Variants in LAMP3 observed in about 807,000 individuals in gnomAD.
The protein encoded by LAMP3 is lysosome associated membrane protein 3.
Under a neutral mutation model 34.8 loss-of-function variants are expected in LAMP3, and 26 were observed. The ratio of observed to expected loss-of-function variants is 0.75; its 90% CI spans 0.55 to 1.04. LAMP3 has a LOEUF of 1.04. Among genes scored for constraint, LAMP3 ranks in the 50% least tolerant of loss-of-function variants. The pLI is 0.00. For synonymous variants in LAMP3, 180 were observed against 201.9 expected (o/e 0.89, Z 0.92); for missense variants, 495 against 524.0 (o/e 0.94, Z 0.54).
Position 183,153,745 on chromosome 3 carries a change from G to T in LAMP3, c.696C>A (p.Asn232Lys). The T allele has an allele frequency of 6.4e-7, 1 of 1,550,994 alleles. No homozygotes were observed. Among genetic ancestry groups the T allele is most frequent in the Non-Finnish European group, 8.7e-7 (1 of 1,150,800 alleles). ...SVKTGIYQVLNGSRLCIKAEM... is the reference protein window; with the variant it reads ...SVKTGIYQVLKGSRLCIKAEM... Reference sequence around the variant, plus strand: ...CTGCTTTTATACAGAGTCTGCTTCCGTTTAGAACCTGATAAATTCCAGTCT... The same window carrying T: ...CTGCTTTTATACAGAGTCTGCTTCCTTTTAGAACCTGATAAATTCCAGTCT... The change falls in exon 2 of 6, where the codon AAC (asparagine) becomes AAA (lysine). Residue 232 changes from asparagine to lysine, a missense_variant. Asn to Lys is a moderately conservative substitution (Grantham distance 94). Transcript: ENST00000265598.
In LAMP3 at chr3:183,154,377, C is replaced by T. The variant is rs1276493927; in HGVS notation, c.64G>A (p.Gly22Ser). 1.3e-6 allele frequency: 2 copies of T among 1,595,782 alleles called. No individual in the cohort carries two copies. Among genetic ancestry groups the T allele is most frequent in the Non-Finnish European group, 8.5e-7 (1 of 1,171,846 alleles). ...AATGCTTTTGCTCTCATTTGACTGC[C>T]ATCGTGCAAAATTACTGAAAATTAG... ...FASLAVILHD[G>S]SQMRAKAFPE... Residue 22 changes from glycine to serine, a missense_variant, in exon 2 of 6, where the codon GGC becomes AGC. Coordinates refer to ENST00000265598, the MANE Select transcript of LAMP3 (RefSeq NM_014398.4).
chr3:183,161,561 C>T (rs7619012), intron 1 of LAMP3, among the ~76,000 whole-genome samples: 132,565 of 151,846 alleles, frequency 0.87, 57,906 homozygotes, highest in Middle Eastern at 0.93. Context: ...CGGCTAATTT[C>T]TGTATTTTTA....
intron 1 of LAMP3, chr3:183,161,836 C>G (rs1165370865): frequency 7.6e-6 from 3 of 395,836 alleles, no homozygotes. Flanking sequence ...CTTCTGTCCC[C>G]TAAAAGAACC....
At chr3:183,132,150 A>G (rs367808556) in intron 5 of LAMP3, 1 of 985,400 alleles carries the variant, frequency 1.0e-6, no homozygotes, top group Non-Finnish European at 1.2e-6. Context: ...AATTGAAGCA[A>G]CTGAAGGGCT....
At chr3:183,152,331 A>G (rs1720662042) in intron 3 of LAMP3, 44 bp downstream of exon 3, 2 of 1,542,002 alleles carry the variant, frequency 1.3e-6, no homozygotes, top group Admixed American at 2.0e-5. Context: ...GGGAGAGGGA[A>G]AGCTGTACCA....
intron 3 of LAMP3, among the ~76,000 whole-genome samples, chr3:183,143,822 C>T (rs376069839): frequency 3.3e-5 from 5 of 152,140 alleles, no homozygotes; most frequent in African/African-American, 1.2e-4. Context: ...GAAATAAAAT[C>T]GTCTTTGGTA....
At chr3:183,160,942 C>T (rs1044041067) in intron 1 of LAMP3, 3 of 152,158 alleles carry the variant, frequency 2.0e-5, no homozygotes, top group African/African-American at 7.2e-5. Flanking sequence ...TGTTAATTAC[C>T]ATGTGCTGAT....
chr3:183,145,397 C>T (rs1381672057), intron 3 of LAMP3, among the ~76,000 whole-genome samples: 1 of 152,186 alleles, frequency 6.6e-6, no homozygotes, highest in African/African-American at 2.4e-5. Context: ...AATAAGCACT[C>T]GTTGGCTCCA....
rs1219544803 is a variant in LAMP3 at position 183,154,156 on chromosome 3, T to G, written c.285A>C (p.Ala95=). The G allele has an allele frequency of 1.2e-6, 2 of 1,613,906 alleles. No homozygotes were observed. The highest frequency in any genetic ancestry group is 1.1e-5 in the South Asian group (1 of 91,068). ...GGGTGTAGGTAATTGGGCTGGTGGT[T>G]GCAGTGTTTTTTGTAGTCGCTGGGG... is the stretch of plus-strand genomic sequence containing the variant. ...TTTPATTKNT[A]TTSPITYTLV... is the part of the protein sequence containing the mutation. Residue 95 remains alanine (A), a synonymous_variant, in exon 2 of 6, where the codon GCA becomes GCC. Transcript: ENST00000265598.
chr3:183,156,662 A>C (rs1360579685), intron 1 of LAMP3, among the ~76,000 whole-genome samples: 2 of 152,224 alleles, frequency 1.3e-5, no homozygotes, highest in East Asian at 1.9e-4. Context: ...AACAATAAAA[A>C]TTCCAAGTTA....
At chr3:183,148,782 T>G (rs989832657) in intron 3 of LAMP3, among the ~76,000 whole-genome samples, 5 of 152,270 alleles carry the variant, frequency 3.3e-5, no homozygotes, top group Admixed American at 3.3e-4. Flanking sequence ...GGAGAAAAGT[T>G]TGGATCCTCA....
chr3:183,135,992 G>A (rs3736553), intron 4 of LAMP3, 105 bp from the exon 5 acceptor site: 10 of 894,900 alleles, frequency 1.1e-5, no homozygotes, highest in African/African-American at 1.6e-5. Context: ...CCTTCCTTCC[G>A]AGGGGCTTTC....
intron 5 of LAMP3, among the ~76,000 whole-genome samples, chr3:183,133,657 T>C (rs2108597461): frequency 6.6e-6 from 1 of 152,316 alleles, no homozygotes; most frequent in East Asian, 1.9e-4. Flanking sequence ...CGCCCAGTCC[T>C]AACTCTGTGT....
chr3:183,140,672 AAGATTCCAGCTATTAAATCT>A (rs1720256143), intron 3 of LAMP3, 77 bp from the exon 4 acceptor site: 1 of 998,684 alleles, frequency 1.0e-6, no homozygotes, highest in Non-Finnish European at 1.6e-6. Context: ...AACTTTGTTT[AAGATTCCAGCTATTAAATCT>A]GGATATAAGG....
chr3:183,146,342 AC>A (rs1276452186), intron 3 of LAMP3, among the ~76,000 whole-genome samples: 1 of 152,186 alleles, frequency 6.6e-6, no homozygotes, highest in Non-Finnish European at 1.5e-5. Context: ...GAAAGCAGCA[AC>A]ATTTCAAAAG....
intron 1 of LAMP3, among the ~76,000 whole-genome samples, chr3:183,155,432 G>C (rs1324322265): frequency 6.6e-6 from 1 of 152,206 alleles, no homozygotes. Flanking sequence ...AGAAAGAGAA[G>C]TCATAACTGC....
intron 5 of LAMP3, among the ~76,000 whole-genome samples, chr3:183,133,367 T>C (rs1412676024): frequency 6.6e-6 from 1 of 152,182 alleles, no homozygotes; most frequent in Non-Finnish European, 1.5e-5. Context: ...ACTCTAGTAA[T>C]AGTTTGAGAC....
intron 5 of LAMP3, 105 bp downstream of exon 5, chr3:183,135,612 C>A: frequency 9.3e-7 from 1 of 1,079,286 alleles, no homozygotes; most frequent in South Asian, 1.5e-5. Context: ...TCCCAGGAAG[C>A]TCATGAGATG....
chr3:183,163,108 C>A (rs1204857316), upstream of LAMP3, among the ~76,000 whole-genome samples: 2 of 151,790 alleles, frequency 1.3e-5, no homozygotes, highest in African/African-American at 4.8e-5. Flanking sequence ...CAGGCATGCA[C>A]CACCACACCC....
Sources: allele counts gnomAD v4.1 joint callset (sites outside exome capture counted in the v4.1 genomes callset), GRCh38; gene constraint gnomAD v4.1.1; transcripts MANE v1.5; gene names NCBI Gene and HGNC (gene_info 2026-07-23, HGNC 2026-07-21).